The following LASP1 variants were observed in gnomAD, a reference collection of about 807,000 sequenced individuals.
LASP1 encodes LIM and SH3 protein 1, also known as LIM and SH3 domain protein 1.
Under a neutral mutation model 38.6 loss-of-function variants are expected in LASP1, and 10 were observed. That is an observed-to-expected ratio of 0.26 (90% CI 0.16 to 0.44). The LOEUF is 0.44. Among genes scored for constraint, LASP1 ranks in the 20% least tolerant of loss-of-function variants. LASP1 has a pLI of 1.00. For synonymous variants in LASP1, 132 were observed against 140.8 expected (o/e 0.94, Z 0.44); for missense variants, 243 against 375.7 (o/e 0.65, Z 2.92).
intron 4 of LASP1, among the ~76,000 whole-genome samples, chr17:38,907,416 C>A (rs191192488): frequency 1.3e-5 from 2 of 152,152 alleles, no homozygotes; most frequent in African/African-American, 4.8e-5. Flanking sequence ...CCCTGCTCCA[C>A]ACCTGTTCTC....
Position 38,918,626 on chromosome 17 carries a change from G to A in LASP1, c.634G>A (p.Asp212Asn), listed in dbSNP as rs1048609858. The A allele has an allele frequency of 1.2e-6, 2 of 1,608,268 alleles. No individual in the cohort carries two copies. Among genetic ancestry groups the A allele is most frequent in the African/African-American group, 1.3e-5 (1 of 74,970 alleles). Residue 212 changes from aspartate (D) to asparagine (N), a missense_variant, in exon 7 of 7, where the codon GAC becomes AAC. Physicochemically the swap from Asp to Asn is conservative, Grantham distance 23. Transcript: ENST00000318008. The surrounding 1 kb of genome is among the most constrained non-coding windows in gnomAD (Gnocchi z 4.4). ...GGGKRYRAVY[D>N]YSAADEDEVS... ...ACAGAAGCGGTACCGCGCGGTGTAT[G>A]ACTACAGCGCCGCCGACGAGGACGA... is the stretch of plus-strand genomic sequence containing the variant.
chr17:38,906,483 C>T (rs1299721067), intron 4 of LASP1, among the ~76,000 whole-genome samples: 4 of 151,876 alleles, frequency 2.6e-5, no homozygotes, highest in African/African-American at 7.3e-5. Flanking sequence ...GAGCTGAGAT[C>T]GCACCACTGC....
intron 4 of LASP1, among the ~76,000 whole-genome samples, chr17:38,904,789 G>A (rs116206583): frequency 6.6e-6 from 1 of 152,260 alleles, no homozygotes; most frequent in African/African-American, 2.4e-5. Flanking sequence ...TTTATACTCT[G>A]TAATGAGCTT....
chr17:38,886,287 G>GGGGCTGGGGACTGGGGACTGT (rs1914134444), intron 2 of LASP1, among the ~76,000 whole-genome samples: 1 of 151,136 alleles, frequency 6.6e-6, no homozygotes, highest in Non-Finnish European at 1.5e-5. Flanking sequence ...GCCAGGGCTG[G>GGGGCTGGGGACTGGGGACTGT]GGGCTGGGGA....
intron 1 of LASP1, among the ~76,000 whole-genome samples, chr17:38,876,025 C>T (rs1219879857): frequency 6.6e-6 from 1 of 152,046 alleles, no homozygotes; most frequent in Non-Finnish European, 1.5e-5. Flanking sequence ...TGGCAGTGGA[C>T]CCCTGTTTGG....
rs553425785 is a variant in LASP1, at chr17:38,919,098, C to T, written c.*320C>T. On this transcript the variant is annotated 3_prime_UTR_variant, in exon 7 of 7. Transcript: ENST00000318008. ...CACCTGCCCCTCTGTTCTCTCCCCT[C>T]ACATCCTCCTGCCCAGCTCCTCACA... The T allele has an allele frequency of 1.1e-3, 424 of 402,704 alleles. No homozygotes were observed. The highest frequency in any genetic ancestry group is 7.7e-3 in the African/African-American group (385 of 50,006). 24.9% of individuals were successfully genotyped at this position (402,704 alleles called of 1,614,324 possible).
In LASP1 at chr17:38,919,682, C is replaced by G. The variant is rs559781178; in HGVS notation, c.*904C>G. The G allele has an allele frequency of 2.9e-6, 1 of 343,794 alleles. No homozygotes were observed. The highest frequency in any genetic ancestry group is 4.3e-5 in the East Asian group (1 of 23,068). The allele number at this position is 343,794 out of a possible 1,614,324, so 21.3% of individuals were successfully genotyped here. A position where few individuals can be genotyped will look rare whatever the true frequency, so the allele number is the denominator to read the frequency against. On this transcript the variant is annotated 3_prime_UTR_variant, in exon 7 of 7. Transcript: ENST00000318008. ...TTCAGCCTCCCTCAGCCCCCAGGATCTGGGTTAGGTGGCCGCTCCTCCCTG... is the reference window on the plus strand; with the variant it reads ...TTCAGCCTCCCTCAGCCCCCAGGATGTGGGTTAGGTGGCCGCTCCTCCCTG...
In LASP1 at chr17:38,910,226, GT is replaced by G. The variant is rs555386944; in HGVS notation, c.358-4093del. 5.7e-3 allele frequency among the ~76,000 whole-genome samples: 864 copies of G among 152,334 alleles called. 5 individuals carry two copies. The highest frequency in any genetic ancestry group is 0.019 in the Admixed American group (288 of 15,296). On this transcript the variant is annotated intron_variant, in intron 4 of 6. Coordinates refer to ENST00000318008, the MANE Select transcript of LASP1 (RefSeq NM_006148.4). ...TATTTTGGCAAACAAGGGTCACTAAGTTTTTTCTGTAAAGGGCCAGGTAGGA... is the reference window on the plus strand; with the variant it reads ...TATTTTGGCAAACAAGGGTCACTAAGTTTTTCTGTAAAGGGCCAGGTAGGA...
chr17:38,888,620 C>G (rs1184435212), intron 2 of LASP1, among the ~76,000 whole-genome samples: 1 of 152,236 alleles, frequency 6.6e-6, no homozygotes, highest in African/African-American at 2.4e-5. Flanking sequence ...GCATCGCCTA[C>G]TATTCTAGGA....
chr17:38,912,862 T>TG (rs1914995403), intron 4 of LASP1, among the ~76,000 whole-genome samples: 1 of 152,198 alleles, frequency 6.6e-6, no homozygotes, highest in Non-Finnish European at 1.5e-5. Context: ...TGGACACAAA[T>TG]GGGCCAGTTG....
At chr17:38,895,523 T>G (rs979221846) in intron 3 of LASP1, among the ~76,000 whole-genome samples, 2 of 151,798 alleles carry the variant, frequency 1.3e-5, no homozygotes, top group Non-Finnish European at 2.9e-5. Context: ...TTTCAGCATG[T>G]TAGGCTGGTC....
chr17:38,900,598 G>A (rs541678435), intron 4 of LASP1, among the ~76,000 whole-genome samples: 27 of 152,152 alleles, frequency 1.8e-4, no homozygotes, highest in African/African-American at 6.3e-4. Flanking sequence ...GCTTGAACTC[G>A]GGAGGCAGAG....
chr17:38,907,642 A>C (rs1447121902), intron 4 of LASP1, among the ~76,000 whole-genome samples: 1 of 152,204 alleles, frequency 6.6e-6, no homozygotes, highest in Non-Finnish European at 1.5e-5. Flanking sequence ...AGAGCTGTAC[A>C]GCTGCAGAGG....
At chr17:38,898,623 C>A (rs1914555904) in intron 4 of LASP1, 104 bp downstream of exon 4, 2 of 847,904 alleles carry the variant, frequency 2.4e-6, no homozygotes, top group Non-Finnish European at 3.9e-6. Flanking sequence ...GAGGCCAGTG[C>A]CTCCACTACC....
chr17:38,902,162 A>C (rs1914658386), intron 4 of LASP1, among the ~76,000 whole-genome samples: 1 of 151,928 alleles, frequency 6.6e-6, no homozygotes, highest in Non-Finnish European at 1.5e-5. Context: ...TCTGGGATCA[A>C]GCCATTCTCC....
intron 1 of LASP1, among the ~76,000 whole-genome samples, chr17:38,872,908 T>C (rs1913652997): frequency 6.6e-6 from 1 of 152,170 alleles, no homozygotes; most frequent in Non-Finnish European, 1.5e-5. Context: ...CTTTGCAAGC[T>C]GGATAAATAT....
chr17:38,893,037 G>A (rs761406614), intron 3 of LASP1, among the ~76,000 whole-genome samples: 4 of 152,242 alleles, frequency 2.6e-5, no homozygotes, highest in East Asian at 1.9e-4. Context: ...GCATGTATGC[G>A]TGTATGCCTG....
chr17:38,901,911 G>A (rs959570234), intron 4 of LASP1, among the ~76,000 whole-genome samples: 7 of 151,904 alleles, frequency 4.6e-5, no homozygotes, highest in Admixed American at 1.3e-4. Flanking sequence ...GACTACAGGC[G>A]CCCGCCACCA....
chr17:38,912,055 A>G (rs1214274713), intron 4 of LASP1, among the ~76,000 whole-genome samples: 1 of 152,076 alleles, frequency 6.6e-6, no homozygotes, highest in South Asian at 2.1e-4. Flanking sequence ...TGGCCTCCCA[A>G]AGTTCTGGGA....
Sources: gnomAD v4.1 joint callset for allele counts (sites outside exome capture counted in the v4.1 genomes callset) on GRCh38, gnomAD v4.1.1 for gene constraint, Gnocchi (gnomAD v3.1) non-coding constraint, MANE v1.5 for transcripts, NCBI Gene and HGNC (gene_info 2026-07-23, HGNC 2026-07-21) for gene names.